SDK1: variants seen among roughly 807,000 people sequenced by gnomAD.
SDK1 encodes protein sidekick-1.
In SDK1, 157 loss-of-function variants were observed where a neutral mutation model predicts 245.5. The ratio of observed to expected loss-of-function variants is 0.64; its 90% confidence interval spans 0.56 to 0.73. The LOEUF (loss-of-function observed/expected upper bound fraction) is 0.73. Among genes scored for constraint, SDK1 ranks in the 30% least tolerant of loss-of-function variants. SDK1 has a pLI of 0.00. For synonymous variants in SDK1, 1,647 were observed against 1,278.5 expected (o/e 1.29, Z -6.15); for missense variants, 3,583 against 3,002.3 (o/e 1.19, Z -4.52).
chr7:4,073,870 TG>T (rs1479988698), intron 20 of SDK1, among the ~76,000 whole-genome samples: 1 of 152,168 alleles, frequency 6.6e-6, no homozygotes, highest in African/African-American at 2.4e-5. Flanking sequence ...ATCGAGTGTG[TG>T]GTGGGCAGGC....
chr7:4,045,913 AT>A (rs1179265821), intron 17 of SDK1, among the ~76,000 whole-genome samples: 11 of 151,998 alleles, frequency 7.2e-5, no homozygotes, highest in Admixed American at 5.9e-4. Flanking sequence ...TTACAGTTGA[AT>A]TTTGAAAATT....
chr7:3,840,525 T>G (rs537245050), intron 5 of SDK1, among the ~76,000 whole-genome samples: 4 of 152,124 alleles, frequency 2.6e-5, no homozygotes, highest in African/African-American at 7.2e-5. Context: ...TGGGAACTTG[T>G]TAGAAATGCA....
intron 44 of SDK1, among the ~76,000 whole-genome samples, chr7:4,246,446 C>T (rs139672159): frequency 6.6e-6 from 1 of 152,226 alleles, no homozygotes; most frequent in Non-Finnish European, 1.5e-5. Flanking sequence ...TAAACATAGG[C>T]TGCCATAAAA....
chr7:4,066,296 G>C (rs557926380), intron 19 of SDK1, among the ~76,000 whole-genome samples: 1 of 152,302 alleles, frequency 6.6e-6, no homozygotes, highest in South Asian at 2.1e-4. Flanking sequence ...TGGCAGGCGG[G>C]GAAGCAGGGC....
intron 5 of SDK1, among the ~76,000 whole-genome samples, chr7:3,893,293 C>A (rs1250946419): frequency 1.3e-5 from 2 of 152,148 alleles, no homozygotes. Flanking sequence ...GGGGTCATCC[C>A]ACCTGGGTCT....
Position 4,266,411 on chromosome 7 carries a change from G to T in SDK1, c.*1027G>T. 1 of 985,224 alleles carries T rather than the reference G, an allele frequency of 1.0e-6. No homozygotes were observed. The highest frequency in any genetic ancestry group is 1.7e-5 in the African/African-American group (1 of 57,254). The allele number at this position is 985,224 out of a possible 1,614,324, so 61.0% of individuals were successfully genotyped here. On this transcript the variant is annotated 3_prime_UTR_variant, in exon 45 of 45. Transcript: ENST00000404826. ...AAGCAAAACAGCTCTGAGAACACAC[G>T]CTCCCGACTCGCCTCGTGCACACCA...
chr7:3,952,679 C>A (rs572534262), intron 7 of SDK1, among the ~76,000 whole-genome samples: 1 of 151,536 alleles, frequency 6.6e-6, no homozygotes, highest in South Asian at 2.1e-4. Context: ...TCGGATGTTA[C>A]CTTTTGTTAA....
chr7:4,073,425 A>G (rs1780391256), intron 20 of SDK1, among the ~76,000 whole-genome samples: 1 of 152,210 alleles, frequency 6.6e-6, no homozygotes, highest in South Asian at 2.1e-4. Context: ...TGAGCACACT[A>G]TATTATCAAT....
intron 1 of SDK1, among the ~76,000 whole-genome samples, chr7:3,426,094 T>G (rs1193453477): frequency 6.6e-6 from 1 of 152,224 alleles, no homozygotes; most frequent in Admixed American, 6.5e-5. Flanking sequence ...CCAAGTAATT[T>G]TGTTAAGCAG....
At chr7:3,875,894 T>G (rs183596329) in intron 5 of SDK1, among the ~76,000 whole-genome samples, 1 of 152,270 alleles carries the variant, frequency 6.6e-6, no homozygotes, top group Admixed American at 6.5e-5. Context: ...TGTCCCCTCC[T>G]TAACTCCTAC....
intron 1 of SDK1, among the ~76,000 whole-genome samples, chr7:3,389,211 A>G (rs1781683967): frequency 6.6e-6 from 1 of 152,130 alleles, no homozygotes; most frequent in South Asian, 2.1e-4. Context: ...AATTCCTAGA[A>G]CCAGTGAATG....
chr7:3,525,044 A>T (rs1434288083), intron 1 of SDK1, among the ~76,000 whole-genome samples: 2 of 152,192 alleles, frequency 1.3e-5, no homozygotes. Context: ...CAAGTAAAAA[A>T]ATATAACTAT....
chr7:3,477,846 A>G (rs1161018382), intron 1 of SDK1, among the ~76,000 whole-genome samples: 2 of 152,118 alleles, frequency 1.3e-5, no homozygotes, highest in African/African-American at 4.8e-5. Context: ...AAAACGTATC[A>G]TGAGAAGTTG....
intron 4 of SDK1, among the ~76,000 whole-genome samples, chr7:3,690,638 A>G (rs1021953334): frequency 1.3e-5 from 2 of 152,222 alleles, no homozygotes; most frequent in Admixed American, 1.3e-4. Context: ...CCAGGAAGAC[A>G]TCACACAATG....
chr7:3,725,418 A>G (rs998152643), intron 4 of SDK1, among the ~76,000 whole-genome samples: 6 of 152,220 alleles, frequency 3.9e-5, no homozygotes, highest in Admixed American at 3.3e-4. Flanking sequence ...TTCGCCTTGC[A>G]ATCAGAACAT....
At chr7:3,830,067 A>G (rs1326211582) in intron 5 of SDK1, among the ~76,000 whole-genome samples, 3 of 152,194 alleles carry the variant, frequency 2.0e-5, no homozygotes, top group Admixed American at 2.0e-4. Flanking sequence ...GATCTGTCCC[A>G]GTGGATTTAT....
At chr7:3,983,966 CCGCCTACACTAAA>C (rs1227198997) in intron 13 of SDK1, among the ~76,000 whole-genome samples, 1 of 152,130 alleles carries the variant, frequency 6.6e-6, no homozygotes, top group African/African-American at 2.4e-5. Context: ...GTAGCTCTTG[CCGCCTACACTAAA>C]CGCCTCAAGA....
chr7:3,719,052 A>G (rs150306904), intron 4 of SDK1, among the ~76,000 whole-genome samples: 29 of 152,338 alleles, frequency 1.9e-4, no homozygotes, highest in African/African-American at 7.0e-4. Flanking sequence ...CCTAATGCCT[A>G]AGTCCTGGGA....
At chr7:3,834,534 A>C (rs2115078636) in intron 5 of SDK1, among the ~76,000 whole-genome samples, 1 of 152,352 alleles carries the variant, frequency 6.6e-6, no homozygotes, top group African/African-American at 2.4e-5. Context: ...ATGCACCAGC[A>C]GTGAGATGAT....
Sources: allele counts gnomAD v4.1 joint callset (sites outside exome capture counted in the v4.1 genomes callset), GRCh38; gene constraint gnomAD v4.1.1; transcripts MANE v1.5; gene names NCBI Gene and HGNC (gene_info 2026-07-23, HGNC 2026-07-21).